The following TGFBR1 variants were observed in gnomAD, a reference collection of about 807,000 sequenced individuals.
The protein encoded by TGFBR1 is transforming growth factor beta receptor 1.
A neutral mutation model predicts 55.1 loss-of-function variants in TGFBR1; 20 were observed. That is an observed-to-expected ratio of 0.36 (90% CI 0.26 to 0.53). TGFBR1 has a LOEUF of 0.53. Ranked by LOEUF, TGFBR1 falls within the 20% of genes least tolerant of loss-of-function variation. The pLI, the probability that TGFBR1 is intolerant of heterozygous loss-of-function variation, is 0.91. For missense variants in TGFBR1, 385 were observed against 617.6 expected, an observed-to-expected ratio of 0.62 and a Z score of 3.99; for synonymous variants, 220 against 214.8, an observed-to-expected ratio of 1.02 and a Z score of -0.21.
intron 5 of TGFBR1, among the ~76,000 whole-genome samples, chr9:99,143,469 T>C (rs1827691607): frequency 6.6e-6 from 1 of 152,218 alleles, no homozygotes; most frequent in Non-Finnish European, 1.5e-5. Context: ...AGTTATGACA[T>C]TTGTATGCTG....
intron 8 of TGFBR1, 56 bp downstream of exon 8, chr9:99,147,840 C>G: frequency 6.2e-7 from 1 of 1,600,888 alleles, no homozygotes; most frequent in East Asian, 2.2e-5. Context: ...GCTTAGTAAG[C>G]AAAAGTTTGC....
chr9:99,109,462 T>C (rs1475599908), intron 1 of TGFBR1, among the ~76,000 whole-genome samples: 6 of 152,204 alleles, frequency 3.9e-5, no homozygotes, highest in Non-Finnish European at 7.4e-5. Context: ...GGAGGGCCGC[T>C]CATGTAGGGA....
At chr9:99,108,196 A>G (rs902356733) in intron 1 of TGFBR1, among the ~76,000 whole-genome samples, 1 of 152,234 alleles carries the variant, frequency 6.6e-6, no homozygotes, top group African/African-American at 2.4e-5. Context: ...GTAATTCCGT[A>G]TAAATAATCA....
chr9:99,140,550 A>G (rs1321584656), intron 4 of TGFBR1, among the ~76,000 whole-genome samples: 2 of 152,032 alleles, frequency 1.3e-5, no homozygotes, highest in Admixed American at 6.6e-5. Context: ...CTTTATCACC[A>G]TTTATTTCCT....
rs993699794 is a variant in TGFBR1 at position 99,149,441 on chromosome 9, A to G, written c.*136A>G. 5.4e-6 allele frequency: 7 copies of G among 1,290,020 alleles called. No individual in the cohort carries two copies. Among genetic ancestry groups the G allele is most frequent in the African/African-American group, 3.0e-5 (2 of 67,752 alleles). 79.9% of individuals were successfully genotyped at this position (1,290,020 alleles called of 1,614,324 possible). On this transcript the variant is annotated 3_prime_UTR_variant, in exon 9 of 9. Transcript: ENST00000374994. ...CTTTTGCAGCAGTGTAATAAAGTCAATTAAAAACTTCCCAGGATTTCTTTG... is the reference window on the plus strand; with the variant it reads ...CTTTTGCAGCAGTGTAATAAAGTCAGTTAAAAACTTCCCAGGATTTCTTTG...
intron 3 of TGFBR1, among the ~76,000 whole-genome samples, chr9:99,133,228 G>A (rs1827303029): frequency 6.6e-6 from 1 of 152,148 alleles, no homozygotes; most frequent in Non-Finnish European, 1.5e-5. Context: ...ATTGTCTTTC[G>A]TATAGGCCTG....
chr9:99,130,537 T>C (rs963310018), intron 2 of TGFBR1, among the ~76,000 whole-genome samples: 4 of 152,242 alleles, frequency 2.6e-5, no homozygotes, highest in Non-Finnish European at 5.9e-5. Context: ...AATTCCAGAA[T>C]TTCCCATTTC....
At chr9:99,104,579 G>A (rs921169450), upstream of TGFBR1, among the ~76,000 whole-genome samples, 1 of 152,086 alleles carries the variant, frequency 6.6e-6, no homozygotes, top group Non-Finnish European at 1.5e-5. Flanking sequence ...AAGTTGATGC[G>A]TGGACTTGGA....
In TGFBR1 at chr9:99,153,308, GTTTATA is replaced by G. The variant is rs1828025141; in HGVS notation, c.*4007_*4012del. The G allele has an allele frequency of 4.6e-6, 1 of 218,962 alleles. No homozygotes were observed. Among genetic ancestry groups the G allele is most frequent in the East Asian group, 6.7e-5 (1 of 14,816 alleles). 13.6% of individuals were successfully genotyped at this position (218,962 alleles called of 1,614,324 possible). A position where few individuals can be genotyped will look rare whatever the true frequency, so the allele number is the denominator to read the frequency against. ...TCAGTTACTCAAATGGTACTGTATTGTTTATATTTGTACCCCAAATAACATCGTCTG... is the reference window on the plus strand; with the variant it reads ...TCAGTTACTCAAATGGTACTGTATTGTTTGTACCCCAAATAACATCGTCTG... On this transcript the variant is annotated 3_prime_UTR_variant, in exon 9 of 9. Coordinates refer to ENST00000374994, the MANE Select transcript of TGFBR1 (RefSeq NM_004612.4).
At chr9:99,107,496 T>C (rs997781130) in intron 1 of TGFBR1, among the ~76,000 whole-genome samples, 1 of 152,236 alleles carries the variant, frequency 6.6e-6, no homozygotes, top group African/African-American at 2.4e-5. Context: ...TAACTTTTTT[T>C]CTTTGAAAAC....
At chr9:99,112,256 A>T (rs1032617244) in intron 1 of TGFBR1, among the ~76,000 whole-genome samples, 4 of 152,104 alleles carry the variant, frequency 2.6e-5, no homozygotes, top group Admixed American at 6.5e-5. Flanking sequence ...CAAAGAAATC[A>T]GAGGAATTAG....
chr9:99,116,628 C>T lies in TGFBR1; in HGVS notation c.97+11326C>T, dbSNP rs765916130. ...ATCCAAGGTATAAATAACATCAAGA[C>T]CCTTATGCCTCTGAGCCTGATAGAT... On this transcript the variant is annotated intron_variant, in intron 1 of 8. Coordinates refer to ENST00000374994, the MANE Select transcript of TGFBR1 (RefSeq NM_004612.4). Among the ~76,000 whole-genome samples, 4 of 152,140 alleles carry T rather than the reference C, an allele frequency of 2.6e-5. 1 individual carries two copies. Among genetic ancestry groups the T allele is most frequent in the South Asian group, 4.1e-4 (2 of 4,822 alleles).
At chr9:99,125,934 C>T (rs1055713556) in intron 1 of TGFBR1, among the ~76,000 whole-genome samples, 3 of 152,096 alleles carry the variant, frequency 2.0e-5, no homozygotes, top group African/African-American at 7.2e-5. Flanking sequence ...TTGGCCCTTC[C>T]TGAGGCAATG....
intron 3 of TGFBR1, among the ~76,000 whole-genome samples, chr9:99,134,445 A>T (rs1827356305): frequency 6.6e-6 from 1 of 152,174 alleles, no homozygotes; most frequent in Non-Finnish European, 1.5e-5. Flanking sequence ...GGCCTGGTGG[A>T]CAGAGGTTAT....
chr9:99,145,807 C>G (rs1016616194), intron 6 of TGFBR1: 1 of 152,732 alleles, frequency 6.5e-6, no homozygotes, highest in African/African-American at 2.4e-5. Context: ...AGCTGGAGAG[C>G]CAGCAGCATT....
chr9:99,123,604 G>C (rs2118489762), intron 1 of TGFBR1, among the ~76,000 whole-genome samples: 1 of 152,262 alleles, frequency 6.6e-6, no homozygotes, highest in Middle Eastern at 3.4e-3. Flanking sequence ...AATCTGGGTA[G>C]AATATTTGTA....
chr9:99,112,825 A>G (rs1370085202), intron 1 of TGFBR1, among the ~76,000 whole-genome samples: 1 of 152,192 alleles, frequency 6.6e-6, no homozygotes, highest in Non-Finnish European at 1.5e-5. Flanking sequence ...AAAATTGCTC[A>G]GTAGTCAGCA....
intron 4 of TGFBR1, among the ~76,000 whole-genome samples, chr9:99,141,630 A>T (rs965466912): frequency 6.6e-6 from 1 of 152,094 alleles, no homozygotes; most frequent in African/African-American, 2.4e-5. Flanking sequence ...GGTTAGAATG[A>T]CTCTAAGCGT....
intron 5 of TGFBR1, among the ~76,000 whole-genome samples, chr9:99,143,368 G>T (rs1827688422): frequency 6.6e-6 from 1 of 152,212 alleles, no homozygotes; most frequent in South Asian, 2.1e-4. Flanking sequence ...CTAGGTAACT[G>T]TTATCTGGCC....
Sources: allele counts gnomAD v4.1 joint callset (sites outside exome capture counted in the v4.1 genomes callset), GRCh38; gene constraint gnomAD v4.1.1; transcripts MANE v1.5; gene names NCBI Gene and HGNC (gene_info 2026-07-23, HGNC 2026-07-21).